Variants in WIPF2 observed in about 807,000 individuals in gnomAD.
The protein encoded by WIPF2 is WAS/WASL interacting protein family member 2.
In WIPF2, 23 loss-of-function variants were observed where a neutral mutation model predicts 38.8. The ratio of observed to expected loss-of-function variants is 0.59; its 90% CI spans 0.43 to 0.84. The LOEUF is 0.84. WIPF2 is among the 40% of genes least tolerant of loss of function. The probability of loss-of-function intolerance (pLI) is 0.00; values close to 1 mark genes in which losing one functional copy is unlikely to be tolerated. For missense variants in WIPF2, 574 were observed against 580.5 expected (o/e 0.99, Z 0.11); for synonymous variants, 210 against 223.2 (o/e 0.94, Z 0.53).
chr17:40,234,803 T>C (rs2030892571), intron 1 of WIPF2, among the ~76,000 whole-genome samples: 1 of 152,150 alleles, frequency 6.6e-6, no homozygotes, highest in African/African-American at 2.4e-5. Flanking sequence ...TGCAGAAAAT[T>C]AGAAATGGCT....
intron 2 of WIPF2, among the ~76,000 whole-genome samples, chr17:40,257,082 G>T (rs530903150): frequency 6.6e-6 from 1 of 151,968 alleles, no homozygotes; most frequent in Non-Finnish European, 1.5e-5. Context: ...GGGTTCAAGC[G>T]ATTCTTCTGC....
At position 40,278,219 on chromosome 17, in the gene WIPF2, C is replaced by T. The variant is rs377439876; in HGVS notation, c.1317C>T (p.Leu439=). ...ARGAPPLPPI[L]R is the part of the protein sequence containing the mutation. ...GAGCCCCACCTCTGCCACCCATTCTCAGGTGAAGCCTGGCTTGGTCCCGTT... is the reference window on the plus strand; with the variant it reads ...GAGCCCCACCTCTGCCACCCATTCTTAGGTGAAGCCTGGCTTGGTCCCGTT... Residue 439 remains leucine, a synonymous_variant, in exon 8 of 8, where the codon CTC becomes CTT. Transcript: ENST00000323571. 1.9e-6 allele frequency: 3 copies of T among 1,613,830 alleles called. No homozygotes were observed. Among genetic ancestry groups the T allele is most frequent in the Non-Finnish European group, 2.5e-6 (3 of 1,179,894 alleles).
At chr17:40,270,030 T>G (rs1166782408) in intron 5 of WIPF2, among the ~76,000 whole-genome samples, 1 of 152,030 alleles carries the variant, frequency 6.6e-6, no homozygotes, top group Non-Finnish European at 1.5e-5. Flanking sequence ...AATTGTTTTT[T>G]AGGGACTGGA....
rs1427629392 is a variant in WIPF2 at position 40,280,796 on chromosome 17, C to G, written c.*2571C>G. ...ATTCCCCAGCACTTGGACTGTGTCA[C>G]ATGGGTATTGATTGTATACTTGTTG... On this transcript the variant is annotated 3_prime_UTR_variant, in exon 8 of 8. Coordinates refer to ENST00000323571, the MANE Select transcript of WIPF2 (RefSeq NM_133264.5). 1 of 152,552 alleles carries G rather than the reference C, an allele frequency of 6.6e-6. No homozygotes were observed. The highest frequency in any genetic ancestry group is 1.5e-5 in the Non-Finnish European group (1 of 68,038). The allele number at this position is 152,552 out of a possible 1,614,324, so 9.4% of individuals were successfully genotyped here. A position where few individuals can be genotyped will look rare whatever the true frequency, so the allele number is the denominator to read the frequency against.
intron 1 of WIPF2, among the ~76,000 whole-genome samples, chr17:40,231,105 C>G (rs2030721943): frequency 1.3e-5 from 2 of 152,130 alleles, no homozygotes; most frequent in African/African-American, 4.8e-5. Context: ...CAGCCCATCA[C>G]TAGTGATCAA....
At chr17:40,262,704 G>T in intron 4 of WIPF2, 63 bp downstream of exon 4, 1 of 1,372,514 alleles carries the variant, frequency 7.3e-7, no homozygotes, top group African/African-American at 1.4e-5. Context: ...GTCCCAAGTG[G>T]GCCATCTCAG....
At chr17:40,239,999 G>A (rs2145316235) in intron 1 of WIPF2, among the ~76,000 whole-genome samples, 1 of 151,616 alleles carries the variant, frequency 6.6e-6, no homozygotes, top group African/African-American at 2.4e-5. Context: ...GCCTGGCCTG[G>A]TTTAACTTTT....
In WIPF2 at chr17:40,262,143, C is replaced by T. The variant is rs150094773; in HGVS notation, c.197-382C>T. 4.1e-3 allele frequency among the ~76,000 whole-genome samples: 614 copies of T among 147,956 alleles called. 3 individuals are homozygous for T. Among genetic ancestry groups the T allele is most frequent in the African/African-American group, 0.015 (595 of 39,970 alleles). On this transcript the variant is annotated intron_variant, in intron 3 of 7. Coordinates refer to ENST00000323571, the MANE Select transcript of WIPF2 (RefSeq NM_133264.5). ...TTGCTCAGGCTGGAGTGCAGTGGTA[C>T]GATCACAGTTCACTGCAGCCTCGAC... is the stretch of plus-strand genomic sequence containing the variant.
chr17:40,225,381 GA>G (rs907404222), intron 1 of WIPF2, among the ~76,000 whole-genome samples: 2 of 151,580 alleles, frequency 1.3e-5, no homozygotes, highest in African/African-American at 4.8e-5. Context: ...ATGTTAATAG[GA>G]AAAAAAGGTG....
At chr17:40,220,575 ATAT>A (rs2030143989) in intron 1 of WIPF2, 2 of 9,746 alleles carry the variant, frequency 2.1e-4, no homozygotes, top group Non-Finnish European at 4.7e-4. Context: ...GTGTGTGTGT[ATAT>A]ATATATATAT....
At chr17:40,260,226 T>G (rs2031852630) in intron 2 of WIPF2, among the ~76,000 whole-genome samples, 1 of 148,980 alleles carries the variant, frequency 6.7e-6, no homozygotes, top group Non-Finnish European at 1.5e-5. Flanking sequence ...CTCGCCCTGT[T>G]GCCCAGGCTG....
rs370739217 is a variant in WIPF2 at position 40,260,609 on chromosome 17, A to C, written c.138A>C (p.Lys46Asn). ...GRGALLQDIC[K>N]GTKLKKVTNI... Reference sequence around the variant, plus strand: ...GCGCCCTCTTACAGGACATTTGCAAAGGGACCAAGCTGAAGAAGGTGACCA... The same window carrying C: ...GCGCCCTCTTACAGGACATTTGCAACGGGACCAAGCTGAAGAAGGTGACCA... The change falls in exon 3 of 8, where the codon AAA becomes AAC. Residue 46 changes from lysine (K) to asparagine (N), a missense_variant. Coordinates refer to ENST00000323571, the MANE Select transcript of WIPF2 (RefSeq NM_133264.5). 57 of 1,613,804 alleles carry C rather than the reference A, an allele frequency of 3.5e-5. No homozygotes were observed. The highest frequency in any genetic ancestry group is 5.9e-6 in the Non-Finnish European group (7 of 1,180,016).
intron 1 of WIPF2, among the ~76,000 whole-genome samples, chr17:40,250,219 GTTT>G (rs1170849046): frequency 1.3e-4 from 8 of 62,544 alleles, no homozygotes; most frequent in African/African-American, 5.1e-4. Flanking sequence ...ATTTTATCAT[GTTT>G]TTTTTTTTTT....
chr17:40,222,830 C>T (rs1369988583), intron 1 of WIPF2, among the ~76,000 whole-genome samples: 10 of 149,060 alleles, frequency 6.7e-5, no homozygotes, highest in Non-Finnish European at 1.5e-4. Flanking sequence ...ACCACCACGC[C>T]CAGCTAATTT....
Position 40,273,947 on chromosome 17 carries a change from G to A in WIPF2, c.1128G>A (p.Pro376=), listed in dbSNP as rs893242263. ...TPAGPPPPPP[P]PLRNGHRDSI... ...CTGGGCCACCCCCTCCTCCTCCACC[G>A]CCCCTGAGGAATGGCCACAGAGATT... The change falls in exon 6 of 8, where the codon CCG becomes CCA. Residue 376 remains proline, a synonymous_variant. Coordinates refer to ENST00000323571, the MANE Select transcript of WIPF2 (RefSeq NM_133264.5). 32 of 1,563,490 alleles carry A rather than the reference G, an allele frequency of 2.0e-5. No homozygotes were observed. The highest frequency in any genetic ancestry group is 7.4e-5 in the African/African-American group (5 of 67,872).
chr17:40,220,598 TA>T (rs2030165845), intron 1 of WIPF2: 40 of 82,452 alleles, frequency 4.9e-4, no homozygotes, highest in African/African-American at 1.7e-3. Flanking sequence ...TATATATATA[TA>T]TATATATATA....
At chr17:40,239,018 C>T (rs1179890980) in intron 1 of WIPF2, among the ~76,000 whole-genome samples, 2 of 151,786 alleles carry the variant, frequency 1.3e-5, no homozygotes, top group Non-Finnish European at 2.9e-5. Context: ...CAGGCTCATG[C>T]CACTGTGTCT....
chr17:40,222,774 G>A (rs1361345401), intron 1 of WIPF2, among the ~76,000 whole-genome samples: 6 of 130,882 alleles, frequency 4.6e-5, no homozygotes, highest in African/African-American at 1.4e-4. Flanking sequence ...GGATTCAAGC[G>A]CTTCTCCTGC....
intron 5 of WIPF2, among the ~76,000 whole-genome samples, chr17:40,270,528 A>G (rs940458958): frequency 6.6e-6 from 1 of 152,102 alleles, no homozygotes; most frequent in Admixed American, 6.6e-5. Flanking sequence ...CATCGCTGTC[A>G]CCTGCCTGGT....
Sources: allele counts gnomAD v4.1 joint callset (sites outside exome capture counted in the v4.1 genomes callset), GRCh38; gene constraint gnomAD v4.1.1; transcripts MANE v1.5; gene names NCBI Gene and HGNC (gene_info 2026-07-23, HGNC 2026-07-21).